JPH3: variants seen among roughly 807,000 people sequenced by gnomAD.
JPH3 encodes junctophilin-3.
In JPH3, 11 loss-of-function variants were observed where a neutral mutation model predicts 59.6. That is an observed-to-expected ratio of 0.18 (90% CI 0.12 to 0.31). JPH3 has a LOEUF of 0.31. Ranked by LOEUF, JPH3 falls within the 10% of genes least tolerant of loss-of-function variation. The probability of loss-of-function intolerance (pLI) is 1.00; values close to 1 mark genes in which losing one functional copy is unlikely to be tolerated. For synonymous variants in JPH3, 673 were observed against 483.6 expected, an observed-to-expected ratio of 1.39 and a Z score of -5.14; for missense variants, 1,202 against 1,105.7, an observed-to-expected ratio of 1.09 and a Z score of -1.24.
At chr16:87,609,559 C>T (rs766541683) in intron 1 of JPH3, among the ~76,000 whole-genome samples, 3 of 152,140 alleles carry the variant, frequency 2.0e-5, no homozygotes, top group African/African-American at 2.4e-5. Flanking sequence ...CCACTGTGCC[C>T]GGCCTAGGGT....
At chr16:87,615,823 G>A (rs1251379617) in intron 1 of JPH3, among the ~76,000 whole-genome samples, 1 of 152,202 alleles carries the variant, frequency 6.6e-6, no homozygotes, top group East Asian at 1.9e-4. Context: ...GGGGAGGCGA[G>A]TGGGGGAAGA....
chr16:87,692,801 G>A (rs996645864), intron 4 of JPH3, among the ~76,000 whole-genome samples: 4 of 152,196 alleles, frequency 2.6e-5, no homozygotes, highest in African/African-American at 9.7e-5. Flanking sequence ...GGAGACAGAA[G>A]CTTCCCTCCT....
chr16:87,655,204 C>CT (rs1567601201), intron 2 of JPH3, among the ~76,000 whole-genome samples: 2 of 152,266 alleles, frequency 1.3e-5, no homozygotes, highest in Non-Finnish European at 2.9e-5. Flanking sequence ...CTTCCCGCCA[C>CT]CCCCGCCAGG....
Position 87,605,557 on chromosome 16 carries a change from C to T in JPH3, c.382+2029C>T, listed in dbSNP as rs79464812. ...GAAAGGATCTGATTCTGTGGCTGGCCGTGTAGTTTAGGATCTGACGGGTTA... is the reference window on the plus strand; with the variant it reads ...GAAAGGATCTGATTCTGTGGCTGGCTGTGTAGTTTAGGATCTGACGGGTTA... On this transcript the variant is annotated intron_variant, in intron 1 of 4. Transcript: ENST00000284262. Among the ~76,000 whole-genome samples, 1,344 of 152,256 alleles carry T rather than the reference C, an allele frequency of 8.8e-3. 10 individuals carry two copies. Among genetic ancestry groups the T allele is most frequent in the African/African-American group, 0.029 (1,201 of 41,528 alleles).
intron 1 of JPH3, chr16:87,604,182 A>G: frequency 7.2e-7 from 1 of 1,397,138 alleles, no homozygotes; most frequent in Non-Finnish European, 9.4e-7. Context: ...CTCGTCTTTC[A>G]GTGGCTGCAT....
intron 2 of JPH3, among the ~76,000 whole-genome samples, chr16:87,662,446 C>T (rs1669882720): frequency 6.6e-6 from 1 of 151,884 alleles, no homozygotes; most frequent in East Asian, 1.9e-4. Context: ...TTAGCACCGT[C>T]AGCATAAGGG....
chr16:87,653,496 A>C (rs1019633807), intron 2 of JPH3: 1 of 152,064 alleles, frequency 6.6e-6, no homozygotes, highest in African/African-American at 2.4e-5. Context: ...TGCCTGGGAC[A>C]CTCTAGTGGG....
At chr16:87,661,980 T>C (rs1170125226) in intron 2 of JPH3, among the ~76,000 whole-genome samples, 2 of 152,254 alleles carry the variant, frequency 1.3e-5, no homozygotes, top group African/African-American at 2.4e-5. Flanking sequence ...AGATTCGTCC[T>C]GTTATTTAGT....
At position 87,660,033 on chromosome 16, in the gene JPH3, C is replaced by T. The variant is rs1356476639; in HGVS notation, c.1160+14998C>T. On this transcript the variant is annotated intron_variant, in intron 2 of 4. Coordinates refer to ENST00000284262, the MANE Select transcript of JPH3 (RefSeq NM_020655.4). ...TCCCTGTCACTCCTAGTGTGGAGGT[C>T]GGGGGTACCAAGCCCCAGCCCTGCC... Among the ~76,000 whole-genome samples, 11 of 152,026 alleles carry T rather than the reference C, an allele frequency of 7.2e-5. No homozygotes were observed. In the East Asian group the frequency reaches 1.9e-3, roughly 27 times the overall value.
rs2031692753 is a variant in JPH3 at position 87,635,097 on chromosome 16, T to C, written c.383-9161T>C. On this transcript the variant is annotated intron_variant, in intron 1 of 4. Transcript: ENST00000284262. ...GGGGGCTTTTGCCTGCCAGAACTCA[T>C]GGGTCGGGGCCGCACATGAGTGAGT... is the stretch of plus-strand genomic sequence containing the variant. Among the ~76,000 whole-genome samples the C allele has an allele frequency of 3.9e-5, 6 of 152,252 alleles. No individual in the cohort carries two copies. The South Asian group carries it at 1.2e-3, about 32-fold the overall frequency.
chr16:87,662,009 A>G (rs1289667963), intron 2 of JPH3, among the ~76,000 whole-genome samples: 1 of 152,212 alleles, frequency 6.6e-6, no homozygotes, highest in African/African-American at 2.4e-5. Flanking sequence ...TCAGGCGGCT[A>G]TGCATGGTTG....
chr16:87,689,868 G>C lies in JPH3; in HGVS notation c.1508G>C (p.Arg503Thr). Residue 503 changes from arginine (R) to threonine (T), a missense_variant, in exon 4 of 5, where the codon AGG becomes ACG. By Grantham distance (71) the Arg-to-Thr change is moderately conservative. Transcript: ENST00000284262. ...AARNKVAHFS[R>T]QVSVDEERGG... is the part of the protein sequence containing the mutation. ...AGGAACAAGGTCGCCCACTTCTCGA[G>C]GCAGGTGTCGGTGGACGAGGAGCGG... The C allele has an allele frequency of 2.0e-6, 3 of 1,496,814 alleles. No individual in the cohort carries two copies. The highest frequency in any genetic ancestry group is 2.7e-6 in the Non-Finnish European group (3 of 1,122,714). The allele number at this position is 1,496,814 out of a possible 1,614,324, so 92.7% of individuals were successfully genotyped here.
intron 1 of JPH3, among the ~76,000 whole-genome samples, chr16:87,617,999 C>T (rs991090538): frequency 2.6e-5 from 4 of 151,896 alleles, no homozygotes; most frequent in African/African-American, 4.8e-5. Flanking sequence ...CCCGTCTCTA[C>T]AGAAAATACA....
chr16:87,664,800 C>T (rs1217428966), intron 2 of JPH3, among the ~76,000 whole-genome samples: 2 of 152,040 alleles, frequency 1.3e-5, no homozygotes, highest in Non-Finnish European at 2.9e-5. Context: ...CATGGAGGCC[C>T]CGGGGCCTGT....
At chr16:87,638,947 G>T (rs1379024416) in intron 1 of JPH3, among the ~76,000 whole-genome samples, 3 of 152,150 alleles carry the variant, frequency 2.0e-5, no homozygotes, top group Non-Finnish European at 2.9e-5. Context: ...GGCCCAGGAC[G>T]GAGGGTAGCC....
chr16:87,689,878 G>C lies in JPH3; in HGVS notation c.1518G>C (p.Ser506=), dbSNP rs1433973326. 1 of 1,486,546 alleles carries C rather than the reference G, an allele frequency of 6.7e-7. No individual in the cohort carries two copies. Among genetic ancestry groups the C allele is most frequent in the East Asian group, 2.5e-5 (1 of 40,422 alleles). 92.1% of individuals were successfully genotyped at this position (1,486,546 alleles called of 1,614,324 possible). The part of the protein sequence containing the change: ...NKVAHFSRQV[S]VDEERGGDIQ... ...TCGCCCACTTCTCGAGGCAGGTGTC[G>C]GTGGACGAGGAGCGGGGCGGGGACA... is the stretch of plus-strand genomic sequence containing the variant. The change falls in exon 4 of 5, where the codon TCG becomes TCC. Residue 506 remains serine (S), a synonymous_variant. Coordinates refer to ENST00000284262, the MANE Select transcript of JPH3 (RefSeq NM_020655.4).
intron 1 of JPH3, among the ~76,000 whole-genome samples, chr16:87,637,422 T>TG (rs2031791331): frequency 1.8e-4 from 27 of 147,588 alleles, no homozygotes; most frequent in African/African-American, 2.7e-4. Context: ...GTGTGTGTGT[T>TG]TGTGTGTGTG....
chr16:87,616,110 G>A (rs910113683), intron 1 of JPH3, among the ~76,000 whole-genome samples: 2 of 152,008 alleles, frequency 1.3e-5, no homozygotes, highest in African/African-American at 4.8e-5. Flanking sequence ...CCAGGCCCCA[G>A]GGTTGGGGGA....
At chr16:87,656,708 A>T (rs1451029138) in intron 2 of JPH3, among the ~76,000 whole-genome samples, 1 of 152,160 alleles carries the variant, frequency 6.6e-6, no homozygotes, top group African/African-American at 2.4e-5. Context: ...GGGGGCCCCT[A>T]CGTGCCATGG....
Sources: gnomAD v4.1 joint callset for allele counts (sites outside exome capture counted in the v4.1 genomes callset) on GRCh38, gnomAD v4.1.1 for gene constraint, MANE v1.5 for transcripts, NCBI Gene and HGNC (gene_info 2026-07-23, HGNC 2026-07-21) for gene names.